Variants in MGAT4C observed in about 807,000 individuals in gnomAD.
The protein encoded by MGAT4C is MGAT4 family member C, also known as alpha-1,3-mannosyl-glycoprotein 4-beta-N-acetylglucosaminyltransferase C.
In MGAT4C, 19 loss-of-function variants were observed where a neutral mutation model predicts 40.1. That is an observed-to-expected ratio of 0.47 (90% CI 0.33 to 0.70). MGAT4C has a LOEUF of 0.70. Ranked by LOEUF, MGAT4C falls within the 30% of genes least tolerant of loss-of-function variation. The probability of loss-of-function intolerance (pLI) is 0.02; values close to 1 mark genes in which losing one functional copy is unlikely to be tolerated. For missense variants in MGAT4C, 491 were observed against 563.2 expected, an observed-to-expected ratio of 0.87 and a Z score of 1.30; for synonymous variants, 181 against 187.1, an observed-to-expected ratio of 0.97 and a Z score of 0.27.
At chr12:86,527,498 A>C (rs1958905046) in intron 2 of MGAT4C, among the ~76,000 whole-genome samples, 1 of 152,214 alleles carries the variant, frequency 6.6e-6, no homozygotes, top group South Asian at 2.1e-4. Flanking sequence ...GTTTCATATA[A>C]ACTTTAGAAT....
At chr12:86,206,760 C>T (rs1950270636) in intron 1 of MGAT4C, among the ~76,000 whole-genome samples, 1 of 152,142 alleles carries the variant, frequency 6.6e-6, no homozygotes, top group Admixed American at 6.5e-5. Context: ...ATGAGGTATT[C>T]ACAGTTGAAG....
In MGAT4C at chr12:86,823,776, A is replaced by AT. The variant is rs535082418; in HGVS notation, c.-262+14889dup. Among the ~76,000 whole-genome samples the AT allele has an allele frequency of 2.9e-3, 437 of 151,300 alleles. 2 individuals carry two copies. The highest frequency in any genetic ancestry group is 8.8e-3 in the African/African-American group (364 of 41,446). ...GTGAAAGAAAGAAAACATTTTATCC[A>AT]TTTTTTAAAAAAGGCTAGTAAGTGA... On this transcript the variant is annotated intron_variant, in intron 1 of 7. Coordinates refer to the MGAT4C transcript ENST00000548651.
chr12:86,253,675 T>C (rs753580915), intron 1 of MGAT4C, among the ~76,000 whole-genome samples: 3 of 151,946 alleles, frequency 2.0e-5, no homozygotes, highest in East Asian at 3.9e-4. Context: ...CTGTCCAAAA[T>C]GACATCATAG....
chr12:86,295,977 T>C (rs1953661768), intron 4 of MGAT4C, among the ~76,000 whole-genome samples: 2 of 140,668 alleles, frequency 1.4e-5, no homozygotes, highest in Admixed American at 1.4e-4. Flanking sequence ...AGATACAGAG[T>C]GTCAATTGGT....
intron 3 of MGAT4C, among the ~76,000 whole-genome samples, chr12:86,400,810 C>T (rs1033414336): frequency 1.3e-5 from 2 of 152,112 alleles, no homozygotes; most frequent in African/African-American, 4.8e-5. Context: ...ATGACAAAAA[C>T]AGTCAAAGTA....
intron 2 of MGAT4C, among the ~76,000 whole-genome samples, chr12:86,709,627 T>G (rs1039149293): frequency 6.6e-6 from 1 of 152,134 alleles, no homozygotes; most frequent in Non-Finnish European, 1.5e-5. Context: ...TATTTGAGGC[T>G]GGTCTCAAAC....
intron 2 of MGAT4C, among the ~76,000 whole-genome samples, chr12:86,528,802 C>G (rs1315542827): frequency 1.3e-5 from 2 of 152,040 alleles, no homozygotes; most frequent in South Asian, 4.1e-4. Flanking sequence ...TCATTTAACT[C>G]TTTCCTTTCT....
intron 2 of MGAT4C, among the ~76,000 whole-genome samples, chr12:86,446,383 C>T (rs1957334698): frequency 6.6e-6 from 1 of 151,532 alleles, no homozygotes; most frequent in Admixed American, 6.6e-5. Context: ...AAGGAATACA[C>T]CATTATAGCA....
chr12:86,728,603 A>C (rs1361705300), intron 1 of MGAT4C, among the ~76,000 whole-genome samples: 2 of 152,162 alleles, frequency 1.3e-5, no homozygotes, highest in Non-Finnish European at 2.9e-5. Context: ...AGGCAGGAGA[A>C]TCGCTTGAAC....
At chr12:86,572,533 T>C (rs950238962) in intron 2 of MGAT4C, among the ~76,000 whole-genome samples, 1 of 152,158 alleles carries the variant, frequency 6.6e-6, no homozygotes, top group Admixed American at 6.6e-5. Flanking sequence ...TATCTTTGTA[T>C]CTGCATCACC....
intron 1 of MGAT4C, among the ~76,000 whole-genome samples, chr12:86,174,321 G>A (rs546972869): frequency 5.3e-5 from 8 of 152,068 alleles, no homozygotes; most frequent in African/African-American, 1.9e-4. Context: ...GGACTCAGAA[G>A]CAGAAACATT....
chr12:86,518,748 G>A (rs1228083819), intron 2 of MGAT4C, among the ~76,000 whole-genome samples: 3 of 152,004 alleles, frequency 2.0e-5, no homozygotes, highest in African/African-American at 4.8e-5. Context: ...CTTCTATCAG[G>A]CATATTCAGT....
At chr12:86,651,704 A>G (rs768829026) in intron 2 of MGAT4C, among the ~76,000 whole-genome samples, 14 of 151,866 alleles carry the variant, frequency 9.2e-5, no homozygotes, top group Non-Finnish European at 1.3e-4. Flanking sequence ...TTCTAATAAT[A>G]TCACTTTTTT....
chr12:86,675,874 A>T (rs1463263102), intron 2 of MGAT4C, among the ~76,000 whole-genome samples: 1 of 152,092 alleles, frequency 6.6e-6, no homozygotes, highest in Non-Finnish European at 1.5e-5. Context: ...TACACAATAG[A>T]CTATTTTAAA....
chr12:86,391,466 T>C (rs1193862219), intron 3 of MGAT4C, among the ~76,000 whole-genome samples: 1 of 152,210 alleles, frequency 6.6e-6, no homozygotes, highest in Non-Finnish European at 1.5e-5. Context: ...GAAATGCCAT[T>C]GATTTCTAGA....
At chr12:86,476,701 G>GTAC (rs1393388962) in intron 2 of MGAT4C, among the ~76,000 whole-genome samples, 4 of 152,170 alleles carry the variant, frequency 2.6e-5, no homozygotes, top group South Asian at 4.2e-4. Flanking sequence ...TGGTGGATTG[G>GTAC]ATAAAGAAAA....
At chr12:86,472,146 G>T (rs954527765) in intron 2 of MGAT4C, among the ~76,000 whole-genome samples, 16 of 152,112 alleles carry the variant, frequency 1.1e-4, no homozygotes, top group African/African-American at 3.4e-4. Flanking sequence ...GTAGGATGGA[G>T]TGGAATAAAA....
At chr12:86,536,719 C>G (rs1565833214) in intron 2 of MGAT4C, among the ~76,000 whole-genome samples, 4 of 152,086 alleles carry the variant, frequency 2.6e-5, no homozygotes, top group Admixed American at 2.6e-4. Context: ...CATACACAGA[C>G]AAATTTGTAG....
chr12:86,250,423 G>A (rs2136073550), intron 1 of MGAT4C, among the ~76,000 whole-genome samples: 1 of 151,552 alleles, frequency 6.6e-6, no homozygotes, highest in East Asian at 2.0e-4. Context: ...TAAGAATACA[G>A]AACGTCATGA....
Sources: gnomAD v4.1 joint callset for allele counts (sites outside exome capture counted in the v4.1 genomes callset) on GRCh38, gnomAD v4.1.1 for gene constraint, MANE v1.5 for transcripts, NCBI Gene and HGNC (gene_info 2026-07-23, HGNC 2026-07-21) for gene names.